The following DMD variants were observed in gnomAD, a reference collection of about 807,000 sequenced individuals.
DMD encodes mutant dystrophin.
Under a neutral mutation model 330.1 loss-of-function variants are expected in DMD, and 63 were observed. The observed-to-expected ratio is 0.19, with a 90% CI of 0.16 to 0.24. The LOEUF is 0.24. Among genes scored for constraint, DMD ranks in the 10% least tolerant of loss-of-function variants. The pLI, the probability that DMD is intolerant of heterozygous loss-of-function variation, is 1.00. For synonymous variants in DMD, 1,223 were observed against 959.8 expected, an observed-to-expected ratio of 1.27 and a Z score of -5.07; for missense variants, 3,344 against 2,684.1, an observed-to-expected ratio of 1.25 and a Z score of -5.43.
intron 2 of DMD, among the ~76,000 whole-genome samples, chrX:32,927,363 C>CTTTTTTTTTTT (rs536073565): frequency 5.3e-4 from 30 of 56,976 alleles, no homozygotes; most frequent in Middle Eastern, 0.012. Context: ...TTCTTTCTTT[C>CTTTTTTTTTTT]TTTTTTTTTT....
intron 9 of DMD, among the ~76,000 whole-genome samples, chrX:32,695,536 G>C (rs1470942461): frequency 1.8e-5 from 2 of 111,316 alleles, no homozygotes; most frequent in African/African-American, 6.5e-5. Flanking sequence ...TATTATTAGG[G>C]CTCTGAATAA....
intron 63 of DMD, among the ~76,000 whole-genome samples, chrX:31,228,283 A>T (rs748946660): frequency 1.6e-4 from 17 of 109,190 alleles, no homozygotes; most frequent in South Asian, 7.9e-4. Flanking sequence ...AATAAAAAAA[A>T]AAAAAAAAGA....
chrX:31,513,699 T>C (rs190768479), intron 55 of DMD, among the ~76,000 whole-genome samples: 72 of 111,540 alleles, frequency 6.5e-4, no homozygotes, highest in African/African-American at 2.2e-3. Context: ...AAAAGGTAGT[T>C]GTTACATAAC....
intron 44 of DMD, among the ~76,000 whole-genome samples, chrX:32,184,414 C>G (rs1264248663): frequency 9.0e-6 from 1 of 110,780 alleles, no homozygotes; most frequent in African/African-American, 3.3e-5. Flanking sequence ...TCAATTCTAT[C>G]CCTAATTTTT....
chrX:32,963,822 C>T (rs182063814), intron 2 of DMD, among the ~76,000 whole-genome samples: 5 of 111,174 alleles, frequency 4.5e-5, no homozygotes, highest in Admixed American at 1.9e-4. Flanking sequence ...AGGCTTCCAT[C>T]GCATAAAGAT....
At chrX:31,848,283 C>T (rs1049184655) in intron 48 of DMD, among the ~76,000 whole-genome samples, 2 of 111,464 alleles carry the variant, frequency 1.8e-5, no homozygotes, top group Non-Finnish European at 3.8e-5. Flanking sequence ...ATTGCCAAAC[C>T]TCTGATATCC....
At chrX:33,008,841 C>T (rs375512661) in intron 2 of DMD, among the ~76,000 whole-genome samples, 4 of 33,696 alleles carry the variant, frequency 1.2e-4, no homozygotes, top group African/African-American at 2.5e-4. Context: ...TATATATACA[C>T]ATATATGTAT....
chrX:32,129,978 CTTTTTTT>C (rs756669672), intron 44 of DMD, among the ~76,000 whole-genome samples: 1 of 89,580 alleles, frequency 1.1e-5, no homozygotes, highest in Non-Finnish European at 2.3e-5. Flanking sequence ...TTTTCAAAGA[CTTTTTTT>C]TTTTTTTTTT....
At chrX:33,061,900 T>C (rs1944188990) in intron 1 of DMD, among the ~76,000 whole-genome samples, 1 of 111,322 alleles carries the variant, frequency 9.0e-6, no homozygotes, top group Non-Finnish European at 1.9e-5. Context: ...TTAAAACTCT[T>C]TTTTTCCCTG....
chrX:31,907,059 T>G (rs759465638), intron 47 of DMD, among the ~76,000 whole-genome samples: 1 of 112,031 alleles, frequency 8.9e-6, no homozygotes, highest in South Asian at 3.7e-4. Flanking sequence ...GAATTCTGAT[T>G]CAATTGATAT....
intron 44 of DMD, among the ~76,000 whole-genome samples, chrX:32,078,900 T>C (rs1354520625): frequency 8.9e-6 from 1 of 111,743 alleles, no homozygotes; most frequent in Non-Finnish European, 1.9e-5. Flanking sequence ...GAAAAGTTGA[T>C]CTCAAGATAG....
chrX:32,630,824 G>A (rs1004697737), intron 11 of DMD, among the ~76,000 whole-genome samples: 9 of 111,859 alleles, frequency 8.0e-5, no homozygotes, highest in East Asian at 2.8e-4. Flanking sequence ...ATTGGTCAGC[G>A]ATGCCTTATT....
chrX:32,368,182 C>T (rs915555569), intron 34 of DMD, among the ~76,000 whole-genome samples: 1 of 111,625 alleles, frequency 9.0e-6, no homozygotes, highest in African/African-American at 3.3e-5. Context: ...TGCCTAATAT[C>T]CAGTCTGTAC....
intron 7 of DMD, among the ~76,000 whole-genome samples, chrX:32,762,688 A>G (rs1046403163): frequency 2.7e-5 from 3 of 110,012 alleles, no homozygotes; most frequent in African/African-American, 9.9e-5. Context: ...GCTTGACCGG[A>G]GCCTGGTGAA....
intron 62 of DMD, among the ~76,000 whole-genome samples, chrX:31,300,363 G>A (rs2054552021): frequency 8.9e-6 from 1 of 112,224 alleles, no homozygotes; most frequent in East Asian, 2.8e-4. Flanking sequence ...ATAGTTTCTA[G>A]AGTAATCCTT....
chrX:32,070,145 G>A (rs1238320532), intron 44 of DMD, among the ~76,000 whole-genome samples: 1 of 110,740 alleles, frequency 9.0e-6, no homozygotes, highest in Non-Finnish European at 1.9e-5. Context: ...TTTCATGATA[G>A]CATTTTTGAT....
intron 2 of DMD, among the ~76,000 whole-genome samples, chrX:32,992,067 C>A (rs1414349872): frequency 8.9e-6 from 1 of 111,840 alleles, no homozygotes; most frequent in African/African-American, 3.2e-5. Flanking sequence ...GCCATTAAGT[C>A]TATTTATTTA....
intron 7 of DMD, among the ~76,000 whole-genome samples, chrX:32,714,504 C>A (rs756096217): frequency 5.4e-5 from 6 of 111,784 alleles, no homozygotes; most frequent in Non-Finnish European, 9.4e-5. Flanking sequence ...TAATTTTATT[C>A]CTTTGTGGCT....
chrX:32,606,113 T>C (rs1198403894), intron 12 of DMD, among the ~76,000 whole-genome samples: 1 of 110,300 alleles, frequency 9.1e-6, no homozygotes, highest in Non-Finnish European at 1.9e-5. Context: ...TATGATCAAA[T>C]ATTATGTCTT....
Sources: gnomAD v4.1 joint callset for allele counts (sites outside exome capture counted in the v4.1 genomes callset) on GRCh38, gnomAD v4.1.1 for gene constraint, MANE v1.5 for transcripts, NCBI Gene and HGNC (gene_info 2026-07-23, HGNC 2026-07-21) for gene names.